CNMD: variants seen among roughly 807,000 people sequenced by gnomAD.
The protein encoded by CNMD is leukocyte cell-derived chemotaxin 1.
CNMD carries 30 observed loss-of-function variants against 37.5 expected under a neutral mutation model. That is an observed-to-expected ratio of 0.80 (90% CI 0.60 to 1.09). CNMD has a LOEUF of 1.09. Ranked by LOEUF, CNMD falls within the 50% of genes least tolerant of loss-of-function variation. The pLI, the probability that CNMD is intolerant of heterozygous loss-of-function variation, is 0.00. For synonymous variants in CNMD, 167 were observed against 148.2 expected, an observed-to-expected ratio of 1.13 and a Z score of -0.92; for missense variants, 398 against 423.9, an observed-to-expected ratio of 0.94 and a Z score of 0.54.
intron 4 of CNMD, among the ~76,000 whole-genome samples, chr13:52,717,761 T>C (rs1964414386): frequency 6.6e-6 from 1 of 152,204 alleles, no homozygotes; most frequent in Admixed American, 6.5e-5. Context: ...TTATTGAGGA[T>C]TTTTGCATCG....
intron 3 of CNMD, among the ~76,000 whole-genome samples, chr13:52,728,056 A>G (rs979408920): frequency 9.9e-5 from 15 of 152,220 alleles, no homozygotes; most frequent in African/African-American, 3.4e-4. Flanking sequence ...TCTCATAAAT[A>G]TATAAAATAT....
Position 52,703,549 on chromosome 13 carries a change from T to C in CNMD, c.*46A>G, listed in dbSNP as rs767864633. The stretch of plus-strand genomic sequence containing the variant: ...CTGCCTTAATGCTTCTTTGGTTGTC[T>C]CTTCAGCTAGTTCTTATTTTACAGC... On this transcript the variant is annotated 3_prime_UTR_variant, in exon 7 of 7. Coordinates refer to ENST00000377962, the MANE Select transcript of CNMD (RefSeq NM_007015.3). The C allele has an allele frequency of 7.3e-7, 1 of 1,370,574 alleles. No homozygotes were observed. The highest frequency in any genetic ancestry group is 2.3e-5 in the East Asian group (1 of 43,166). The allele number at this position is 1,370,574 out of a possible 1,614,324, so 84.9% of individuals were successfully genotyped here.
At chr13:52,713,400 T>C (rs759956139) in intron 4 of CNMD, among the ~76,000 whole-genome samples, 29 of 152,192 alleles carry the variant, frequency 1.9e-4, no homozygotes, top group Non-Finnish European at 5.9e-5. Context: ...TTTCAGATGT[T>C]CCTCACATCA....
intron 4 of CNMD, among the ~76,000 whole-genome samples, chr13:52,719,768 T>C (rs539255113): frequency 6.6e-6 from 1 of 152,352 alleles, no homozygotes; most frequent in South Asian, 2.1e-4. Flanking sequence ...ATTTTTTCCT[T>C]CATTTCAATC....
intron 5 of CNMD, 35 bp downstream of exon 5, chr13:52,712,681 A>G: frequency 7.1e-7 from 1 of 1,398,746 alleles, no homozygotes; most frequent in Non-Finnish European, 9.4e-7. Flanking sequence ...GAACAGGGAA[A>G]GTTGTAAACA....
chr13:52,710,773 C>A (rs892859189), intron 5 of CNMD, among the ~76,000 whole-genome samples: 1 of 152,130 alleles, frequency 6.6e-6, no homozygotes, highest in East Asian at 1.9e-4. Flanking sequence ...TTCTTGTGTA[C>A]ATAATATGTG....
At chr13:52,708,402 C>T (rs944442157) in intron 6 of CNMD, 134 bp downstream of exon 6, 27 of 662,698 alleles carry the variant, frequency 4.1e-5, no homozygotes, top group African/African-American at 1.7e-4. Flanking sequence ...AGGCTGGCCT[C>T]GAACTCCTGA....
chr13:52,735,354 G>A (rs1012968689), intron 2 of CNMD, among the ~76,000 whole-genome samples: 4 of 117,172 alleles, frequency 3.4e-5, no homozygotes, highest in African/African-American at 1.3e-4. Context: ...CCACTCATAT[G>A]ACAAGAGGTT....
chr13:52,723,238 C>T (rs959109168), intron 4 of CNMD, among the ~76,000 whole-genome samples: 4 of 152,250 alleles, frequency 2.6e-5, no homozygotes, highest in South Asian at 4.1e-4. Context: ...ACTATAGGTA[C>T]GCACTACCAT....
intron 3 of CNMD, 54 bp downstream of exon 3, chr13:52,733,163 GAA>G (rs2138274114): frequency 2.5e-6 from 4 of 1,594,124 alleles, no homozygotes; most frequent in Middle Eastern, 1.7e-4. Flanking sequence ...CCTTGAATTA[GAA>G]AAGTCCCGCA....
At chr13:52,723,313 G>A (rs1442810289) in intron 4 of CNMD, among the ~76,000 whole-genome samples, 1 of 152,050 alleles carries the variant, frequency 6.6e-6, no homozygotes, top group Admixed American at 6.6e-5. Context: ...GGCTTGTCTG[G>A]AATTCCTGGG....
chr13:52,738,005 A>T (rs768163160), intron 2 of CNMD, among the ~76,000 whole-genome samples: 1 of 152,266 alleles, frequency 6.6e-6, no homozygotes, highest in Non-Finnish European at 1.5e-5. Flanking sequence ...CAGTGACTGC[A>T]GAAGACGTGA....
At chr13:52,729,035 G>A (rs1256743982) in intron 3 of CNMD, among the ~76,000 whole-genome samples, 4 of 152,204 alleles carry the variant, frequency 2.6e-5, no homozygotes, top group Non-Finnish European at 4.4e-5. Flanking sequence ...TTGCTAGCAA[G>A]GGTGATGAGT....
chr13:52,705,016 C>G (rs1319759668), intron 6 of CNMD, among the ~76,000 whole-genome samples: 1 of 151,888 alleles, frequency 6.6e-6, no homozygotes, highest in Non-Finnish European at 1.5e-5. Flanking sequence ...TGAGATTGTG[C>G]CATTGCACTC....
chr13:52,718,286 A>C (rs1964424165), intron 4 of CNMD, among the ~76,000 whole-genome samples: 1 of 152,136 alleles, frequency 6.6e-6, no homozygotes, highest in Non-Finnish European at 1.5e-5. Context: ...CTCTTCAAAA[A>C]ACCAGCTCCT....
rs530692435 is a variant in CNMD, at chr13:52,703,398, C to A, written c.*197G>T. 2.7e-5 allele frequency: 13 copies of A among 486,746 alleles called. No individual in the cohort carries two copies. Among genetic ancestry groups the A allele is most frequent in the Non-Finnish European group, 4.4e-5 (12 of 272,678 alleles). 30.2% of individuals were successfully genotyped at this position (486,746 alleles called of 1,614,324 possible). A position where few individuals can be genotyped will look rare whatever the true frequency, so the allele number is the denominator to read the frequency against. Reference sequence around the variant, plus strand: ...GGGGTTATGGCATTTTAGACTTGAACTACCCTTTCAGTACATTTGCATATA... The same window carrying A: ...GGGGTTATGGCATTTTAGACTTGAAATACCCTTTCAGTACATTTGCATATA... On this transcript the variant is annotated 3_prime_UTR_variant, in exon 7 of 7. Transcript: ENST00000377962.
Position 52,724,075 on chromosome 13 carries a change from C to G in CNMD, c.390G>C (p.Lys130Asn), listed in dbSNP as rs1485484786. The change falls in exon 4 of 7, where the codon AAG (lysine) becomes AAC (asparagine). Residue 130 changes from lysine (K) to asparagine (N), a missense_variant. Physicochemically the swap from Lys to Asn is moderately conservative, Grantham distance 94 (BLOSUM62 0). Transcript: ENST00000377962. Reference protein sequence around the residue: ...ITGIRFAGGEKCYIKAQVKAR... With the variant: ...ITGIRFAGGENCYIKAQVKAR... ...CCTTCACTTGCGCTTTAATGTAGCA[C>G]TTCTCTCCTCCAGCAAAACGAATTC... 2 of 1,614,046 alleles carry G rather than the reference C, an allele frequency of 1.2e-6. No homozygotes were observed. The highest frequency in any genetic ancestry group is 1.7e-6 in the Non-Finnish European group (2 of 1,179,966).
chr13:52,708,505 T>C (rs1444667614), intron 6 of CNMD, 31 bp downstream of exon 6: 1 of 1,596,364 alleles, frequency 6.3e-7, no homozygotes, highest in Non-Finnish European at 8.5e-7. Flanking sequence ...AATGCATTTG[T>C]CTAATCATGT....
chr13:52,739,075 C>T lies in CNMD; in HGVS notation c.169G>A (p.Gly57Arg), dbSNP rs749418424. Residue 57 changes from glycine to arginine, a missense_variant, in exon 2 of 7, where the codon GGG (glycine) becomes AGG (arginine). By Grantham distance (125) the Gly-to-Arg change is moderately radical. Transcript: ENST00000377962. This position sits in a 1 kb window ranked among gnomAD's most constrained non-coding sequence, Gnocchi z 5.4. Reference protein sequence around the residue: ...LISGAVLLLFGAIGAFYFWKG... With the variant: ...LISGAVLLLFRAIGAFYFWKG... ...CAGAAGTAGAAGGCCCCGATGGCCCCAAAGAGCAGCAGCACAGCTCCCGAA... is the reference window on the plus strand; with the variant it reads ...CAGAAGTAGAAGGCCCCGATGGCCCTAAAGAGCAGCAGCACAGCTCCCGAA... The T allele has an allele frequency of 1.3e-6, 2 of 1,582,164 alleles. No homozygotes were observed. Among genetic ancestry groups the T allele is most frequent in the African/African-American group, 1.4e-5 (1 of 70,984 alleles).
Sources: gnomAD v4.1 joint callset for allele counts (sites outside exome capture counted in the v4.1 genomes callset) on GRCh38, gnomAD v4.1.1 for gene constraint, Gnocchi (gnomAD v3.1) non-coding constraint, MANE v1.5 for transcripts, NCBI Gene and HGNC (gene_info 2026-07-23, HGNC 2026-07-21) for gene names.